The following ZHX3 variants were observed in gnomAD, a reference collection of about 807,000 sequenced individuals.
ZHX3 encodes the protein zinc fingers and homeoboxes 3, also known as zinc fingers and homeoboxes protein 3.
A neutral mutation model predicts 64.5 loss-of-function variants in ZHX3; 20 were observed. The ratio of observed to expected loss-of-function variants is 0.31; its 90% CI spans 0.22 to 0.45. The LOEUF is 0.45. Ranked by LOEUF, ZHX3 falls within the 20% of genes least tolerant of loss-of-function variation. The probability of loss-of-function intolerance (pLI) is 1.00; values close to 1 mark genes in which losing one functional copy is unlikely to be tolerated. For synonymous variants in ZHX3, 423 were observed against 461.6 expected (o/e 0.92, Z 1.07); for missense variants, 1,041 against 1,195.8 (o/e 0.87, Z 1.91).
Position 41,185,577 on chromosome 20 carries a change from C to T in ZHX3, c.2861-376G>A, listed in dbSNP as rs2036451127. 2.6e-6 allele frequency: 1 copy of T among 386,020 alleles called. No individual in the cohort carries two copies. Among genetic ancestry groups the T allele is most frequent in the Non-Finnish European group, 4.6e-6 (1 of 215,786 alleles). 23.9% of individuals were successfully genotyped at this position (386,020 alleles called of 1,614,324 possible). ...TCATCCTGCCCTCTCCTTCCAGGCT[C>T]TCCAGAACATACTGTTCCAATATAA... On this transcript the variant is annotated intron_variant, in intron 3 of 3. Coordinates refer to ENST00000683867, the MANE Select transcript of ZHX3 (RefSeq NM_001384317.1). This position sits in a 1 kb window ranked among gnomAD's most constrained non-coding sequence, Gnocchi z 5.0.
At chr20:41,296,948 C>G (rs1245822503) in intron 1 of ZHX3, among the ~76,000 whole-genome samples, 1 of 152,160 alleles carries the variant, frequency 6.6e-6, no homozygotes, top group African/African-American at 2.4e-5. Context: ...CTCTTTGGAG[C>G]TAGGGGTAGT....
At chr20:41,251,802 T>A (rs2042006010) in intron 2 of ZHX3, among the ~76,000 whole-genome samples, 1 of 151,992 alleles carries the variant, frequency 6.6e-6, no homozygotes, top group African/African-American at 2.4e-5. Context: ...ACATGATAAA[T>A]AAATACATAA....
At chr20:41,275,764 G>A (rs2043350299) in intron 1 of ZHX3, among the ~76,000 whole-genome samples, 1 of 151,984 alleles carries the variant, frequency 6.6e-6, no homozygotes, top group African/African-American at 2.4e-5. Context: ...CTATCTTTAG[G>A]GCTCACACAA....
At chr20:41,265,408 G>C (rs972855931) in intron 2 of ZHX3, among the ~76,000 whole-genome samples, 2 of 152,016 alleles carry the variant, frequency 1.3e-5, no homozygotes, top group African/African-American at 4.8e-5. Flanking sequence ...CTCCATGTTG[G>C]TCAGGCTGGT....
chr20:41,281,421 A>T (rs901214349), intron 1 of ZHX3, among the ~76,000 whole-genome samples: 1 of 152,248 alleles, frequency 6.6e-6, no homozygotes, highest in African/African-American at 2.4e-5. Context: ...TGCTGAACAA[A>T]GAAATAGGTT....
intron 2 of ZHX3, among the ~76,000 whole-genome samples, chr20:41,267,818 T>G (rs2042937020): frequency 6.6e-6 from 1 of 152,186 alleles, no homozygotes; most frequent in Non-Finnish European, 1.5e-5. Flanking sequence ...GGAATATTTC[T>G]GGGCAGACTG....
intron 3 of ZHX3, among the ~76,000 whole-genome samples, chr20:41,189,690 G>A (rs2036838596): frequency 6.6e-6 from 1 of 152,110 alleles, no homozygotes; most frequent in Non-Finnish European, 1.5e-5. Flanking sequence ...TTTATATCCT[G>A]CCACTGTGCT....
At chr20:41,312,821 G>T (rs573921664) in intron 1 of ZHX3, among the ~76,000 whole-genome samples, 4 of 152,176 alleles carry the variant, frequency 2.6e-5, no homozygotes, top group African/African-American at 9.7e-5. Context: ...GCACGTCAGA[G>T]TAAGTGTGGA....
intron 1 of ZHX3, among the ~76,000 whole-genome samples, chr20:41,272,755 C>T (rs1466383489): frequency 6.6e-6 from 1 of 152,198 alleles, no homozygotes. Context: ...TATAGATGCA[C>T]ATCTTGCTCA....
intron 2 of ZHX3, among the ~76,000 whole-genome samples, chr20:41,235,401 C>T (rs578012152): frequency 3.5e-4 from 54 of 152,122 alleles, no homozygotes; most frequent in Non-Finnish European, 7.1e-4. Context: ...AATCCAGCAG[C>T]ACATCAAAAA....
chr20:41,273,500 T>C (rs957785642), intron 1 of ZHX3, among the ~76,000 whole-genome samples: 14 of 152,180 alleles, frequency 9.2e-5, no homozygotes, highest in African/African-American at 3.4e-4. Flanking sequence ...TCTTAACTCT[T>C]ATAATTAGTT....
In ZHX3 at chr20:41,195,120, A is replaced by C. The variant is rs772172583; in HGVS notation, c.2860+6937T>G. Among the ~76,000 whole-genome samples, 17 of 152,178 alleles carry C rather than the reference A, an allele frequency of 1.1e-4. No individual in the cohort carries two copies. Among genetic ancestry groups the C allele is most frequent in the Non-Finnish European group, 2.4e-4 (16 of 68,010 alleles). ...ATTTAGTTTACTGATTTGAGATCTT[A>C]AAAAAAGTTTTTTTAAGACATGGGG... On this transcript the variant is annotated intron_variant, in intron 3 of 3. Transcript: ENST00000683867. The surrounding 1 kb of genome is among the most constrained non-coding windows in gnomAD (Gnocchi z 4.2).
intron 2 of ZHX3, among the ~76,000 whole-genome samples, chr20:41,251,880 T>G (rs2042010701): frequency 1.3e-5 from 2 of 152,110 alleles, no homozygotes; most frequent in Admixed American, 1.3e-4. Flanking sequence ...ATGTAAGCAA[T>G]TTCTAAATTA....
chr20:41,242,292 G>T (rs1331530414), intron 2 of ZHX3, among the ~76,000 whole-genome samples: 1 of 152,126 alleles, frequency 6.6e-6, no homozygotes, highest in Non-Finnish European at 1.5e-5. Context: ...TAAGTCATTT[G>T]ACTCAGTCAC....
At chr20:41,223,639 C>T (rs983161213) in intron 2 of ZHX3, among the ~76,000 whole-genome samples, 1 of 152,118 alleles carries the variant, frequency 6.6e-6, no homozygotes, top group East Asian at 1.9e-4. Context: ...TTGCCCCTGG[C>T]GAGGGGAAGA....
chr20:41,289,167 A>T (rs11905531), intron 1 of ZHX3, among the ~76,000 whole-genome samples: 31,881 of 150,520 alleles, frequency 0.21, 3,485 homozygotes, highest in South Asian at 0.3. Context: ...ATTTTTTTTT[A>T]TTTTTTTGTA....
intron 2 of ZHX3, among the ~76,000 whole-genome samples, chr20:41,225,088 T>C (rs1401534971): frequency 6.6e-6 from 1 of 152,242 alleles, no homozygotes; most frequent in Non-Finnish European, 1.5e-5. Flanking sequence ...TAGCTGATAA[T>C]GGAGTTAAGA....
chr20:41,251,832 C>G (rs1000792097), intron 2 of ZHX3, among the ~76,000 whole-genome samples: 1 of 151,472 alleles, frequency 6.6e-6, no homozygotes, highest in Non-Finnish European at 1.5e-5. Flanking sequence ...AAGTGAGATA[C>G]AAAATATATA....
At chr20:41,187,260 G>A (rs1418193552) in intron 3 of ZHX3, among the ~76,000 whole-genome samples, 3 of 142,706 alleles carry the variant, frequency 2.1e-5, no homozygotes, top group Non-Finnish European at 4.5e-5. Context: ...GAGCCCAGGA[G>A]TTTGAAACTG....
Sources: allele counts gnomAD v4.1 joint callset (sites outside exome capture counted in the v4.1 genomes callset), GRCh38; gene constraint gnomAD v4.1.1; non-coding constraint Gnocchi (gnomAD v3.1); transcripts MANE v1.5; gene names NCBI Gene and HGNC (gene_info 2026-07-23, HGNC 2026-07-21).